Variants in PDE1C observed in about 807,000 individuals in gnomAD.
PDE1C encodes phosphodiesterase 1C, also known as dual specificity calcium/calmodulin-dependent 3',5'-cyclic nucleotide phosphodiesterase 1C.
PDE1C carries 62 observed loss-of-function variants against 93.1 expected under a neutral mutation model. That is an observed-to-expected ratio of 0.67 (90% CI 0.54 to 0.82). The LOEUF (loss-of-function observed/expected upper bound fraction) is 0.82, where lower values mean the gene tolerates loss of function less well. Ranked by LOEUF, PDE1C falls within the 40% of genes least tolerant of loss-of-function variation. The pLI, the probability that PDE1C is intolerant of heterozygous loss-of-function variation, is 0.00. For synonymous variants in PDE1C, 325 were observed against 310.1 expected (o/e 1.05, Z -0.50); for missense variants, 742 against 884.6 (o/e 0.84, Z 2.04).
At chr7:32,008,463 G>A (rs1403799497) in intron 2 of PDE1C, among the ~76,000 whole-genome samples, 2 of 152,122 alleles carry the variant, frequency 1.3e-5, no homozygotes, top group East Asian at 1.9e-4. Context: ...AACTACACTC[G>A]AGTACAAGTG....
intron 1 of PDE1C, among the ~76,000 whole-genome samples, chr7:32,328,350 A>G (rs1783444652): frequency 6.6e-6 from 1 of 152,184 alleles, no homozygotes; most frequent in Admixed American, 6.5e-5. Context: ...CCAGAGAAAT[A>G]TTATCAAACA....
At chr7:32,015,426 T>A (rs1254092212) in intron 2 of PDE1C, among the ~76,000 whole-genome samples, 1 of 152,144 alleles carries the variant, frequency 6.6e-6, no homozygotes, top group African/African-American at 2.4e-5. Flanking sequence ...ATGCTTTATT[T>A]CCCTGTCAGT....
chr7:31,626,863 C>CAGTAA, the PDE1C span, among the ~76,000 whole-genome samples: 1 of 152,204 alleles, frequency 6.6e-6, no homozygotes. Flanking sequence ...GCCTAACACA[C>CAGTAA]AGTAAGCACC....
At chr7:31,734,239 T>A in the PDE1C span, among the ~76,000 whole-genome samples, 1 of 152,066 alleles carries the variant, frequency 6.6e-6, no homozygotes, top group Admixed American at 6.6e-5. Flanking sequence ...GATGTGTGTA[T>A]GGAATATTAG....
At chr7:31,959,177 TTTG>T (rs1265199223) in intron 2 of PDE1C, among the ~76,000 whole-genome samples, 7 of 150,560 alleles carry the variant, frequency 4.6e-5, no homozygotes, top group Non-Finnish European at 7.4e-5. Flanking sequence ...TTTTGGTCAA[TTTG>T]TTTTTTGTTT....
intron 1 of PDE1C, among the ~76,000 whole-genome samples, chr7:32,353,577 T>A (rs1404597815): frequency 6.7e-6 from 1 of 150,022 alleles, no homozygotes; most frequent in African/African-American, 2.4e-5. Flanking sequence ...TTTTCTAGTT[T>A]GTTAGATTCT....
the PDE1C span, among the ~76,000 whole-genome samples, chr7:31,636,712 G>A: frequency 4.0e-5 from 6 of 151,062 alleles, no homozygotes; most frequent in Admixed American, 6.6e-5. Context: ...CACATAAAGG[G>A]ATCTTTTTTT....
chr7:31,656,394 A>G, the PDE1C span: 13 of 460,482 alleles, frequency 2.8e-5, no homozygotes, highest in Non-Finnish European at 3.7e-5. Flanking sequence ...AATAAATACC[A>G]TGAATCCTGT....
chr7:31,905,980 G>A (rs1355969510), intron 2 of PDE1C, among the ~76,000 whole-genome samples: 1 of 152,128 alleles, frequency 6.6e-6, no homozygotes, highest in African/African-American at 2.4e-5. Context: ...ATAAGGACAT[G>A]TTTGCTTCCC....
chr7:31,851,333 T>C (rs1793323357), intron 7 of PDE1C, among the ~76,000 whole-genome samples: 1 of 152,156 alleles, frequency 6.6e-6, no homozygotes. Context: ...GCAGATGGTG[T>C]CAGCTGGGAG....
At chr7:32,314,093 C>T (rs115657854) in intron 1 of PDE1C, among the ~76,000 whole-genome samples, 2,608 of 151,784 alleles carry the variant, frequency 0.017, 83 homozygotes, top group African/African-American at 0.06. Context: ...AAAGTGGGCC[C>T]ACTTTCCCCA....
Position 31,879,133 on chromosome 7 carries a change from A to G in PDE1C, c.288T>C (p.Asp96=). The change falls in exon 4 of 18, where the codon GAT becomes GAC. Residue 96 remains aspartate, a synonymous_variant. Transcript: ENST00000396191. Reference sequence around the variant, plus strand: ...AGTCTCGGACCTCAGAAGGCACAGCATCTGACTGAATGTCACTGAGCTCAT... The same window carrying G: ...AGTCTCGGACCTCAGAAGGCACAGCGTCTGACTGAATGTCACTGAGCTCAT... ...TEDELSDIQS[D]AVPSEVRDWL... 1 of 1,614,102 alleles carries G rather than the reference A, an allele frequency of 6.2e-7. No homozygotes were observed.
chr7:31,743,678 A>G, the PDE1C span, among the ~76,000 whole-genome samples: 2 of 152,156 alleles, frequency 1.3e-5, no homozygotes, highest in African/African-American at 4.8e-5. Flanking sequence ...TTTCTACTTA[A>G]TTAGAAACTG....
the PDE1C span, among the ~76,000 whole-genome samples, chr7:31,649,999 C>T: frequency 6.6e-6 from 1 of 152,018 alleles, no homozygotes; most frequent in East Asian, 1.9e-4. Context: ...AGTGAAAAAT[C>T]ACAAAGAATT....
upstream of PDE1C, among the ~76,000 whole-genome samples, chr7:32,302,100 T>C (rs1238684023): frequency 2.0e-5 from 3 of 152,204 alleles, no homozygotes; most frequent in Non-Finnish European, 4.4e-5. Context: ...CCTGGGACCA[T>C]ATGGCCTGCA....
intron 2 of PDE1C, among the ~76,000 whole-genome samples, chr7:31,890,330 T>G (rs1798469135): frequency 6.6e-6 from 1 of 152,212 alleles, no homozygotes; most frequent in African/African-American, 2.4e-5. Flanking sequence ...CACTTCAACA[T>G]CTGTCTTAAT....
intron 2 of PDE1C, among the ~76,000 whole-genome samples, chr7:31,981,712 C>T (rs1350603739): frequency 6.6e-6 from 1 of 152,164 alleles, no homozygotes; most frequent in Non-Finnish European, 1.5e-5. Context: ...GTAGTTGACA[C>T]TTATATAACA....
intron 3 of PDE1C, among the ~76,000 whole-genome samples, chr7:32,134,948 C>T (rs1389681269): frequency 6.6e-6 from 1 of 152,148 alleles, no homozygotes; most frequent in Non-Finnish European, 1.5e-5. Context: ...AAATAGTTAA[C>T]TGTGTAGCAT....
At chr7:32,027,353 A>T (rs1789575331) in intron 2 of PDE1C, among the ~76,000 whole-genome samples, 1 of 152,120 alleles carries the variant, frequency 6.6e-6, no homozygotes. Flanking sequence ...CTATTGATTA[A>T]AACAAAAATC....
Sources: allele counts gnomAD v4.1 joint callset (sites outside exome capture counted in the v4.1 genomes callset), GRCh38; gene constraint gnomAD v4.1.1; transcripts MANE v1.5; gene names NCBI Gene and HGNC (gene_info 2026-07-23, HGNC 2026-07-21).